The following HAS2 variants were observed in gnomAD, a reference collection of about 807,000 sequenced individuals.
HAS2 encodes the protein hyaluronan synthase 2, also known as HA synthase 2.
HAS2 carries 16 observed loss-of-function variants against 51.6 expected under a neutral mutation model. That is an observed-to-expected ratio of 0.31 (90% CI 0.21 to 0.47). The LOEUF (loss-of-function observed/expected upper bound fraction) is 0.47, where lower values mean the gene tolerates loss of function less well. Among genes scored for constraint, HAS2 ranks in the 20% least tolerant of loss-of-function variants. The pLI is 1.00. For synonymous variants in HAS2, 228 were observed against 235.5 expected (o/e 0.97, Z 0.29); for missense variants, 361 against 662.6 (o/e 0.54, Z 5.00).
rs1329399165 is a variant in HAS2 at position 121,641,021 on chromosome 8, T to A, written c.-169A>T. The stretch of plus-strand genomic sequence containing the variant: ...ACAACATTTAAAAAGGATAGGGGAG[T>A]CTTAAATGTTTGATTCTTCCCCACT... On this transcript the variant is annotated 5_prime_UTR_variant, in exon 1 of 4. Coordinates refer to ENST00000303924, the MANE Select transcript of HAS2 (RefSeq NM_005328.3). 2 of 151,002 alleles carry A rather than the reference T, an allele frequency of 1.3e-5. No homozygotes were observed. The highest frequency in any genetic ancestry group is 3.0e-5 in the Non-Finnish European group (2 of 67,748). The allele number at this position is 151,002 out of a possible 1,614,324, so 9.4% of individuals were successfully genotyped here.
At chr8:121,621,630 G>GA (rs1438470847) in intron 2 of HAS2, among the ~76,000 whole-genome samples, 2 of 152,106 alleles carry the variant, frequency 1.3e-5, no homozygotes, top group Admixed American at 1.3e-4. Context: ...TACATATACA[G>GA]AATCTCTTAC....
chr8:121,628,177 T>G (rs1167559952), intron 2 of HAS2, among the ~76,000 whole-genome samples: 1 of 152,216 alleles, frequency 6.6e-6, no homozygotes, highest in Non-Finnish European at 1.5e-5. Context: ...TTCTCATTTT[T>G]TGTTTTCCTT....
intron 1 of HAS2, among the ~76,000 whole-genome samples, chr8:121,630,302 G>A (rs1397747310): frequency 5.3e-5 from 8 of 152,132 alleles, no homozygotes; most frequent in Admixed American, 2.6e-4. Flanking sequence ...CCTGAAACAC[G>A]TTTCCACTCA....
chr8:121,639,760 A>T (rs1235258080), intron 1 of HAS2: 2 of 152,154 alleles, frequency 1.3e-5, no homozygotes, highest in South Asian at 2.1e-4. Flanking sequence ...GTTCACAGGG[A>T]CCCATTTCGG....
intron 2 of HAS2, among the ~76,000 whole-genome samples, chr8:121,622,744 C>G (rs1812789507): frequency 6.7e-6 from 1 of 150,356 alleles, no homozygotes; most frequent in Admixed American, 6.6e-5. Context: ...AATATTACAA[C>G]AAACTTCTAA....
At chr8:121,619,488 A>G (rs545788997) in intron 2 of HAS2, among the ~76,000 whole-genome samples, 1 of 151,942 alleles carries the variant, frequency 6.6e-6, no homozygotes, top group African/African-American at 2.4e-5. Context: ...AACCCTATTG[A>G]CTGTCTTTTT....
chr8:121,633,057 G>A (rs2130449594), intron 1 of HAS2, among the ~76,000 whole-genome samples: 1 of 151,908 alleles, frequency 6.6e-6, no homozygotes, highest in Non-Finnish European at 1.5e-5. Flanking sequence ...AAAATAGGTG[G>A]CATTCTTTCG....
chr8:121,639,674 G>A (rs1313977554), intron 1 of HAS2: 1 of 152,474 alleles, frequency 6.6e-6, no homozygotes, highest in African/African-American at 2.4e-5. Context: ...CTGCGTTTCC[G>A]TGGTCAGAGG....
chr8:121,620,493 C>G (rs889373414), intron 2 of HAS2, among the ~76,000 whole-genome samples: 9 of 152,138 alleles, frequency 5.9e-5, no homozygotes, highest in Admixed American at 3.3e-4. Context: ...ACTGAAACAT[C>G]TTTTTGGCCA....
At position 121,614,226 on chromosome 8, in the gene HAS2, A is replaced by G. The variant is rs1216848163; in HGVS notation, c.1542T>C (p.Val514=). The stretch of plus-strand genomic sequence containing the variant: ...AATAGCATGCATAGAGCAACGTTCC[A>G]ACAATTAGAACTGTCTGTTTGGATT... ...FSESKQTVLI[V]GTLLYACYWV... Residue 514 remains valine (V), a synonymous_variant, in exon 4 of 4, where the codon GTT becomes GTC. Transcript: ENST00000303924. This position sits in a 1 kb window ranked among gnomAD's most constrained non-coding sequence, Gnocchi z 7.2. The G allele has an allele frequency of 1.9e-6, 3 of 1,614,048 alleles. No individual in the cohort carries two copies. The highest frequency in any genetic ancestry group is 3.3e-5 in the Admixed American group (2 of 60,000).
rs1449745799 is a variant in HAS2 at position 121,633,084 on chromosome 8, T to C, written c.1-3744A>G. ...ATTCTTTCGTTTCTGGCTAATAAAA[T>C]GTCATCGTATAAGGAAAGATTAGAA... On this transcript the variant is annotated intron_variant, in intron 1 of 3. Coordinates refer to ENST00000303924, the MANE Select transcript of HAS2 (RefSeq NM_005328.3). Among the ~76,000 whole-genome samples the C allele has an allele frequency of 2.6e-5, 4 of 151,946 alleles. No individual in the cohort carries two copies. The South Asian group carries it at 6.2e-4, about 24-fold the overall frequency.
intron 1 of HAS2, among the ~76,000 whole-genome samples, chr8:121,633,538 A>T (rs1812964499): frequency 6.6e-6 from 1 of 152,184 alleles, no homozygotes; most frequent in Non-Finnish European, 1.5e-5. Context: ...TCGGGCTCAT[A>T]TATTTTCTAT....
chr8:121,616,230 A>G (rs1812699100), intron 3 of HAS2, among the ~76,000 whole-genome samples: 1 of 152,094 alleles, frequency 6.6e-6, no homozygotes, highest in Non-Finnish European at 1.5e-5. Flanking sequence ...TTCTTCATCA[A>G]TAACAAATGA....
intron 1 of HAS2, among the ~76,000 whole-genome samples, chr8:121,635,153 C>A (rs1298113073): frequency 6.6e-6 from 1 of 152,084 alleles, no homozygotes; most frequent in African/African-American, 2.4e-5. Flanking sequence ...CCCAGCTCTG[C>A]CATCTACTAC....
chr8:121,638,981 T>C (rs1178042594), intron 1 of HAS2, among the ~76,000 whole-genome samples: 1 of 152,212 alleles, frequency 6.6e-6, no homozygotes, highest in African/African-American at 2.4e-5. Flanking sequence ...TAAATATGTG[T>C]TGACCTTTTT....
At chr8:121,631,224 G>T (rs111713439) in intron 1 of HAS2, among the ~76,000 whole-genome samples, 1 of 152,150 alleles carries the variant, frequency 6.6e-6, no homozygotes, top group Non-Finnish European at 1.5e-5. Context: ...GGACTCTTAC[G>T]TTGGCACAAA....
chr8:121,629,895 G>C (rs1350891611), intron 1 of HAS2, among the ~76,000 whole-genome samples: 5 of 152,126 alleles, frequency 3.3e-5, no homozygotes, highest in Non-Finnish European at 2.9e-5. Context: ...CTGGGTTCTA[G>C]TACTAGCTCA....
chr8:121,634,362 C>T (rs1812978290), intron 1 of HAS2, among the ~76,000 whole-genome samples: 1 of 151,980 alleles, frequency 6.6e-6, no homozygotes. Flanking sequence ...GATGATACCT[C>T]TTCTGGGAGG....
In HAS2 at chr8:121,613,971, C is replaced by A; in HGVS notation, c.*138G>T. On this transcript the variant is annotated 3_prime_UTR_variant, in exon 4 of 4. Transcript: ENST00000303924. ...TTTACTTTGGCAGAATGAAAATAAA[C>A]CCATATAAATGTCTTTGTTCAAGTC... is the stretch of plus-strand genomic sequence containing the variant. 1.6e-6 allele frequency: 2 copies of A among 1,246,046 alleles called. No homozygotes were observed. The highest frequency in any genetic ancestry group is 2.0e-5 in the Admixed American group (1 of 48,998). 77.2% of individuals were successfully genotyped at this position (1,246,046 alleles called of 1,614,324 possible). A position where few individuals can be genotyped will look rare whatever the true frequency, so the allele number is the denominator to read the frequency against.
Sources: allele counts gnomAD v4.1 joint callset (sites outside exome capture counted in the v4.1 genomes callset), GRCh38; gene constraint gnomAD v4.1.1; non-coding constraint Gnocchi (gnomAD v3.1); transcripts MANE v1.5; gene names NCBI Gene and HGNC (gene_info 2026-07-23, HGNC 2026-07-21).